ZNF467: variants seen among roughly 807,000 people sequenced by gnomAD.
The protein encoded by ZNF467 is zinc finger protein EZI.
Under a neutral mutation model 47.8 loss-of-function variants are expected in ZNF467, and 51 were observed. That is an observed-to-expected ratio of 1.07 (90% CI 0.85 to 1.35). The LOEUF is 1.35. ZNF467 is among the 40% of genes most tolerant of loss of function. ZNF467 has a pLI of 0.00. For missense variants in ZNF467, 992 were observed against 858.1 expected (o/e 1.16, Z -1.95); for synonymous variants, 416 against 372.9 (o/e 1.12, Z -1.33).
chr7:149,764,866 G>A lies in ZNF467; in HGVS notation c.1636C>T (p.Pro546Ser). 1 of 1,555,848 alleles carries A rather than the reference G, an allele frequency of 6.4e-7. No homozygotes were observed. Among genetic ancestry groups the A allele is most frequent in the Non-Finnish European group, 8.7e-7 (1 of 1,152,342 alleles). Residue 546 changes from proline to serine, a missense_variant, in exon 5 of 5, where the codon CCG (proline) becomes TCG (serine). Physicochemically the swap from Pro to Ser is moderately conservative, Grantham distance 74. Coordinates refer to ENST00000302017, the MANE Select transcript of ZNF467 (RefSeq NM_207336.3). ...CGGCTGAAGCTCTTTCCGCACTGCG[G>A]GCAGGAGAAGGGGCGGGAGCCTGTG... The part of the protein sequence containing the change: ...IHTGSRPFSC[P>S]QCGKSFSRKT...
Position 149,769,325 on chromosome 7 carries a change from A to G in ZNF467, c.152-125T>C. 2 of 811,890 alleles carry G rather than the reference A, an allele frequency of 2.5e-6. No homozygotes were observed. The highest frequency in any genetic ancestry group is 6.4e-5 in the Admixed American group (2 of 31,436). The allele number at this position is 811,890 out of a possible 1,614,324, so 50.3% of individuals were successfully genotyped here. On this transcript the variant is annotated intron_variant, in intron 3 of 4. Transcript: ENST00000302017. This position sits in a 1 kb window ranked among gnomAD's most constrained non-coding sequence, Gnocchi z 5.3. The stretch of plus-strand genomic sequence containing the variant: ...CAGCAGGGCCCACAGGGTTCCTCCC[A>G]CATCCTACCTGAATTAAGGGGCTGA...
chr7:149,767,515 TCTTTA>T (rs1369643831), intron 4 of ZNF467, among the ~76,000 whole-genome samples: 1 of 152,216 alleles, frequency 6.6e-6, no homozygotes, highest in Non-Finnish European at 1.5e-5. Context: ...ATTGTGGCAC[TCTTTA>T]CTTTTCTACT....
At chr7:149,775,987 C>T (rs1211814851), upstream of ZNF467, 1 of 1,307,694 alleles carries the variant, frequency 7.6e-7, no homozygotes, top group Non-Finnish European at 1.0e-6. Context: ...GCAGCATTGC[C>T]TCTCTTGAGC....
chr7:149,776,021 T>C (rs1334236036), upstream of ZNF467: 2 of 1,364,064 alleles, frequency 1.5e-6, no homozygotes, highest in Non-Finnish European at 9.8e-7. Context: ...TCCCCAAAGG[T>C]GCCCTGGGGG....
intron 3 of ZNF467, 57 bp downstream of exon 3, chr7:149,770,383 G>C (rs1340978548): frequency 1.1e-5 from 14 of 1,224,016 alleles, no homozygotes; most frequent in Non-Finnish European, 1.6e-5. Flanking sequence ...GGTAGGGAGG[G>C]CAGGAGGAAA....
rs369727792 is a variant in ZNF467, at chr7:149,765,467, C to A, written c.1035G>T (p.Pro345=). The A allele has an allele frequency of 2.5e-6, 4 of 1,584,880 alleles. No homozygotes were observed. Among genetic ancestry groups the A allele is most frequent in the Non-Finnish European group, 3.4e-6 (4 of 1,166,616 alleles). Reference sequence around the variant, plus strand: ...GCTTTGGCCCGGGAAAGGATGGGGTCGGGGACGGGGCAGTGGAATGAGGAG... The same window carrying A: ...GCTTTGGCCCGGGAAAGGATGGGGTAGGGGACGGGGCAGTGGAATGAGGAG... The part of the protein sequence containing the change: ...SASPHSTAPS[P]TPSFPGPKPF... The change falls in exon 5 of 5, where the codon CCG becomes CCT. Residue 345 remains proline (P), a synonymous_variant. Transcript: ENST00000302017.
rs767509714 is a variant in ZNF467 at position 149,764,792 on chromosome 7, G to C, written c.1710C>G (p.His570Gln). 1 of 1,525,478 alleles carries C rather than the reference G, an allele frequency of 6.6e-7. No homozygotes were observed. The highest frequency in any genetic ancestry group is 2.3e-5 in the East Asian group (1 of 43,840). The allele number at this position is 1,525,478 out of a possible 1,614,324, so 94.5% of individuals were successfully genotyped here. A position where few individuals can be genotyped will look rare whatever the true frequency, so the allele number is the denominator to read the frequency against. ...CCGCAAGGGCGGCGTCCGGGGCCGCGTGGGCGGCTTCGCCGTGAATGAGCT... is the reference window on the plus strand; with the variant it reads ...CCGCAAGGGCGGCGTCCGGGGCCGCCTGGGCGGCTTCGCCGTGAATGAGCT... ...RHQLIHGEAA[H>Q]AAPDAALAAP... is the part of the protein sequence containing the mutation. The change falls in exon 5 of 5, where the codon CAC (histidine) becomes CAG (glutamine). Residue 570 changes from histidine to glutamine, a missense_variant. Coordinates refer to ENST00000302017, the MANE Select transcript of ZNF467 (RefSeq NM_207336.3).
chr7:149,767,543 A>G (rs560385747), intron 4 of ZNF467, among the ~76,000 whole-genome samples: 161 of 152,168 alleles, frequency 1.1e-3, no homozygotes, highest in Non-Finnish European at 2.0e-3. Context: ...AGAACCATCA[A>G]TAGCTCCTAT....
rs762663848 is a variant in ZNF467 at position 149,764,735 on chromosome 7, C to T, written c.1767G>A (p.Ala589=). 2 of 1,554,364 alleles carry T rather than the reference C, an allele frequency of 1.3e-6. No homozygotes were observed. The highest frequency in any genetic ancestry group is 1.7e-6 in the Non-Finnish European group (2 of 1,146,642). The part of the protein sequence containing the change: ...APAWSAPPEV[A]PPPLFF ...AGGCTCAGAAGAAGAGCGGGGGCGG[C>T]GCCACCTCGGGGGGAGCGGACCAGG... The change falls in exon 5 of 5, where the codon GCG becomes GCA. Residue 589 remains alanine, a synonymous_variant. Transcript: ENST00000302017.
At chr7:149,766,993 G>A (rs980280837) in intron 4 of ZNF467, among the ~76,000 whole-genome samples, 1 of 152,214 alleles carries the variant, frequency 6.6e-6, no homozygotes, top group Non-Finnish European at 1.5e-5. Flanking sequence ...CTCTAGGGAA[G>A]CCTCAGCCTA....
At chr7:149,776,073 C>A, upstream of ZNF467, 1 of 1,365,240 alleles carries the variant, frequency 7.3e-7, no homozygotes, top group Non-Finnish European at 9.8e-7. Context: ...TTTGGGATGG[C>A]GTGGGCCCTG....
At chr7:149,770,089 G>A (rs1799345964) in intron 3 of ZNF467, among the ~76,000 whole-genome samples, 2 of 123,356 alleles carry the variant, frequency 1.6e-5, no homozygotes, top group Admixed American at 9.5e-5. Context: ...CAGCTGTCTC[G>A]GCCCCCTTCA....
chr7:149,775,409 C>A (rs1366778990), upstream of ZNF467, among the ~76,000 whole-genome samples: 1 of 152,156 alleles, frequency 6.6e-6, no homozygotes, highest in Non-Finnish European at 1.5e-5. Flanking sequence ...GGGCGGGAGG[C>A]AGGGGAGCAT....
In ZNF467 at chr7:149,764,910, A is replaced by G; in HGVS notation, c.1592T>C (p.Val531Ala). ...ARSFSSKTNL[V>A]RHQAIHTGSR... Reference sequence around the variant, plus strand: ...GCCTGTGTGGATCGCCTGGTGGCGGACTAGGTTGGTTTTGGAGCTGAAGCT... The same window carrying G: ...GCCTGTGTGGATCGCCTGGTGGCGGGCTAGGTTGGTTTTGGAGCTGAAGCT... Residue 531 changes from valine to alanine, a missense_variant, in exon 5 of 5, where the codon GTC becomes GCC. By Grantham distance (64) the Val-to-Ala change is moderately conservative. Coordinates refer to ENST00000302017, the MANE Select transcript of ZNF467 (RefSeq NM_207336.3). 1 of 1,563,498 alleles carries G rather than the reference A, an allele frequency of 6.4e-7. No individual in the cohort carries two copies. Among genetic ancestry groups the G allele is most frequent in the South Asian group, 1.2e-5 (1 of 86,936 alleles).
rs1422089838 is a variant in ZNF467, at chr7:149,764,910, A to C, written c.1592T>G (p.Val531Gly). The change falls in exon 5 of 5, where the codon GTC (valine) becomes GGC (glycine). Residue 531 changes from valine to glycine, a missense_variant. Physicochemically the swap from Val to Gly is moderately radical, Grantham distance 109. Transcript: ENST00000302017. ...ARSFSSKTNL[V>G]RHQAIHTGSR... ...GCCTGTGTGGATCGCCTGGTGGCGGACTAGGTTGGTTTTGGAGCTGAAGCT... is the reference window on the plus strand; with the variant it reads ...GCCTGTGTGGATCGCCTGGTGGCGGCCTAGGTTGGTTTTGGAGCTGAAGCT... The C allele has an allele frequency of 1.9e-6, 3 of 1,563,498 alleles. No homozygotes were observed.
intron 3 of ZNF467, 79 bp downstream of exon 3, chr7:149,770,334 GGAAGGGAGGGAGGGAGGGGGGAGGGAA>G: frequency 6.2e-6 from 4 of 644,656 alleles, no homozygotes; most frequent in Non-Finnish European, 1.0e-5. Flanking sequence ...AAGGAAAGAA[GGAAGGGAGGGAGGGAGGGGGGAGGGAA>G]GAAGGGAGAG....
Position 149,764,184 on chromosome 7 carries a change from A to AGATCTCG in ZNF467, c.*529_*530insCGAGATC. The AGATCTCG allele has an allele frequency of 4.1e-6, 1 of 243,966 alleles. No homozygotes were observed. The highest frequency in any genetic ancestry group is 7.8e-6 in the Non-Finnish European group (1 of 128,666). 15.1% of individuals were successfully genotyped at this position (243,966 alleles called of 1,614,324 possible). A position where few individuals can be genotyped will look rare whatever the true frequency, so the allele number is the denominator to read the frequency against. Reference sequence around the variant, plus strand: ...GAAGCAGGAGCCAGGATGGTGGCTTAGTGAATAAATATATTACATTTTTAT... The same window carrying AGATCTCG: ...GAAGCAGGAGCCAGGATGGTGGCTTAGATCTCGGTGAATAAATATATTACATTTTTAT... On this transcript the variant is annotated 3_prime_UTR_variant, in exon 5 of 5. Coordinates refer to ENST00000302017, the MANE Select transcript of ZNF467 (RefSeq NM_207336.3).
In ZNF467 at chr7:149,764,680, T is replaced by C. The variant is rs1197334425; in HGVS notation, c.*34A>G. On this transcript the variant is annotated 3_prime_UTR_variant, in exon 5 of 5. Coordinates refer to ENST00000302017, the MANE Select transcript of ZNF467 (RefSeq NM_207336.3). ...TCTCATGGCACGGGCCTCTCGAAAC[T>C]GTGGGCAAGAAAGGGTCCTCGTGAG... The C allele has an allele frequency of 1.3e-6, 2 of 1,577,968 alleles. No homozygotes were observed. The highest frequency in any genetic ancestry group is 1.7e-6 in the Non-Finnish European group (2 of 1,159,040).
rs1799196753 is a variant in ZNF467 at position 149,765,939 on chromosome 7, C to G, written c.563G>C (p.Cys188Ser). The G allele has an allele frequency of 6.4e-7, 1 of 1,552,948 alleles. No homozygotes were observed. The highest frequency in any genetic ancestry group is 8.7e-7 in the Non-Finnish European group (1 of 1,149,592). ...HQRLHRGEGPCACPDCGRSFT... is the reference protein window; with the variant it reads ...HQRLHRGEGPSACPDCGRSFT... ...GCTGCGGCCGCAGTCCGGGCAGGCG[C>G]AGGGGCCCTCGCCCCGGTGCAGCCG... The change falls in exon 5 of 5, where the codon TGC (cysteine) becomes TCC (serine). Residue 188 changes from cysteine (C) to serine (S), a missense_variant. By Grantham distance (112) the Cys-to-Ser change is moderately radical. Coordinates refer to ENST00000302017, the MANE Select transcript of ZNF467 (RefSeq NM_207336.3).
Sources: allele counts gnomAD v4.1 joint callset (sites outside exome capture counted in the v4.1 genomes callset), GRCh38; gene constraint gnomAD v4.1.1; non-coding constraint Gnocchi (gnomAD v3.1); transcripts MANE v1.5; gene names NCBI Gene and HGNC (gene_info 2026-07-23, HGNC 2026-07-21).